LRMDA: variants seen among roughly 807,000 people sequenced by gnomAD.
LRMDA encodes the protein leucine rich melanocyte differentiation associated.
A neutral mutation model predicts 29.8 loss-of-function variants in LRMDA; 18 were observed. The observed-to-expected ratio is 0.60, with a 90% CI of 0.42 to 0.90. The LOEUF (loss-of-function observed/expected upper bound fraction) is 0.90. LRMDA is among the 40% of genes least tolerant of loss of function. The pLI is 0.00. For missense variants in LRMDA, 273 were observed against 273.9 expected, an observed-to-expected ratio of 1.00 and a Z score of 0.02; for synonymous variants, 125 against 109.4, an observed-to-expected ratio of 1.14 and a Z score of -0.89.
chr10:75,802,972 A>ATT (rs141657133), intron 2 of LRMDA, among the ~76,000 whole-genome samples: 51 of 110,044 alleles, frequency 4.6e-4, no homozygotes, highest in South Asian at 9.5e-4. Flanking sequence ...ATATATATAT[A>ATT]TTTTTTTTTT....
At chr10:76,126,053 G>A (rs1355770856) in intron 5 of LRMDA, among the ~76,000 whole-genome samples, 1 of 152,122 alleles carries the variant, frequency 6.6e-6, no homozygotes, top group Non-Finnish European at 1.5e-5. Context: ...CCTTTCATTG[G>A]GCTTTGACAT....
intron 2 of LRMDA, among the ~76,000 whole-genome samples, chr10:75,937,134 ACT>A (rs1232360637): frequency 1.3e-5 from 2 of 152,210 alleles, no homozygotes; most frequent in East Asian, 3.9e-4. Context: ...ATGACAAGAT[ACT>A]CTCTGTGGGA....
chr10:76,142,563 C>T (rs1354309392), intron 5 of LRMDA, among the ~76,000 whole-genome samples: 2 of 151,484 alleles, frequency 1.3e-5, no homozygotes, highest in East Asian at 3.9e-4. Flanking sequence ...CATTGTGTTA[C>T]TAAACTTCAT....
chr10:75,691,091 T>G (rs1334331843), intron 2 of LRMDA, among the ~76,000 whole-genome samples: 1 of 98,106 alleles, frequency 1.0e-5, no homozygotes, highest in African/African-American at 7.0e-5. Context: ...TATATATCTA[T>G]GTACATAGAT....
chr10:76,388,106 A>G (rs952313274), intron 6 of LRMDA, among the ~76,000 whole-genome samples: 1 of 152,180 alleles, frequency 6.6e-6, no homozygotes, highest in African/African-American at 2.4e-5. Context: ...TTAGAATGAA[A>G]TGTGCGATAC....
chr10:75,896,559 C>T (rs1257311406), intron 2 of LRMDA, among the ~76,000 whole-genome samples: 2 of 152,082 alleles, frequency 1.3e-5, no homozygotes, highest in Non-Finnish European at 2.9e-5. Context: ...TCCTATTTAA[C>T]TGTTGAGAAT....
intron 6 of LRMDA, among the ~76,000 whole-genome samples, chr10:76,450,877 A>G (rs1842398854): frequency 6.6e-6 from 1 of 152,190 alleles, no homozygotes. Flanking sequence ...AGGATAGCAA[A>G]CAGATGAGTT....
At chr10:75,977,851 T>A (rs747152871) in intron 2 of LRMDA, among the ~76,000 whole-genome samples, 1 of 152,218 alleles carries the variant, frequency 6.6e-6, no homozygotes, top group Non-Finnish European at 1.5e-5. Flanking sequence ...GCTCTGCCAC[T>A]TATTAGTCGT....
intron 2 of LRMDA, among the ~76,000 whole-genome samples, chr10:76,006,447 T>C (rs920800471): frequency 6.6e-6 from 1 of 151,976 alleles, no homozygotes; most frequent in Non-Finnish European, 1.5e-5. Flanking sequence ...ACCAGGTGGG[T>C]AAGAAACCAA....
chr10:75,815,733 C>A (rs919043136), intron 2 of LRMDA, among the ~76,000 whole-genome samples: 1 of 152,170 alleles, frequency 6.6e-6, no homozygotes, highest in African/African-American at 2.4e-5. Flanking sequence ...TTAGTTTAAG[C>A]CACTGAGATT....
intron 2 of LRMDA, among the ~76,000 whole-genome samples, chr10:75,612,139 G>A (rs1188938480): frequency 1.3e-5 from 2 of 152,176 alleles, no homozygotes; most frequent in Non-Finnish European, 2.9e-5. Context: ...ATTTCCTTTG[G>A]AAATACCCAG....
In LRMDA at chr10:76,146,059, T is replaced by G. The variant is rs1291611937; in HGVS notation, c.516+87276T>G. The stretch of plus-strand genomic sequence containing the variant: ...GATTGCACTGTGGTCTGAGAGACAG[T>G]TTGTTATAATTTCTGTTCTTTTACA... On this transcript the variant is annotated intron_variant, in intron 5 of 6. Transcript: ENST00000611255. Among the ~76,000 whole-genome samples the G allele has an allele frequency of 5.3e-5, 8 of 152,084 alleles. No individual in the cohort carries two copies. In the East Asian group the frequency reaches 1.2e-3, roughly 22 times the overall value.
intron 2 of LRMDA, among the ~76,000 whole-genome samples, chr10:75,919,684 T>C (rs1845995813): frequency 6.6e-6 from 1 of 152,178 alleles, no homozygotes; most frequent in Non-Finnish European, 1.5e-5. Context: ...TTCTGAAATC[T>C]TTAGGCATTC....
At chr10:75,690,226 T>C (rs905745933) in intron 2 of LRMDA, among the ~76,000 whole-genome samples, 1 of 152,182 alleles carries the variant, frequency 6.6e-6, no homozygotes, top group African/African-American at 2.4e-5. Flanking sequence ...ATCCTCCTTA[T>C]ATGGATGAGA....
At chr10:75,625,929 G>T (rs768558535) in intron 2 of LRMDA, among the ~76,000 whole-genome samples, 1 of 151,538 alleles carries the variant, frequency 6.6e-6, no homozygotes, top group Non-Finnish European at 1.5e-5. Flanking sequence ...ATAGCTCACT[G>T]CAGCCTTGAC....
intron 2 of LRMDA, among the ~76,000 whole-genome samples, chr10:75,514,742 C>G (rs1845270572): frequency 1.3e-5 from 2 of 152,292 alleles, no homozygotes; most frequent in South Asian, 4.1e-4. Context: ...GAAAGCAGCC[C>G]AAGACCCTCA....
At position 76,076,247 on chromosome 10, in the gene LRMDA, G is replaced by A. The variant is rs570740475; in HGVS notation, c.516+17464G>A. Among the ~76,000 whole-genome samples, 18 of 149,572 alleles carry A rather than the reference G, an allele frequency of 1.2e-4. 1 individual carries two copies. Among genetic ancestry groups the A allele is most frequent in the Admixed American group, 4.0e-4 (6 of 14,842 alleles). On this transcript the variant is annotated intron_variant, in intron 5 of 6. Transcript: ENST00000611255. ...AGTCCCAGCTACTTGGGAGGCTGAG[G>A]CAGGAGAATGGCGTGAACCCAGGAG...
At chr10:75,699,200 C>CAAA (rs140938454) in intron 2 of LRMDA, among the ~76,000 whole-genome samples, 6 of 107,492 alleles carry the variant, frequency 5.6e-5, no homozygotes, top group African/African-American at 1.6e-4. Context: ...GACTTGGTCT[C>CAAA]AAAAAAAAAA....
chr10:76,062,654 CTCTGTGTGTGTGTG>C (rs938023390), intron 5 of LRMDA, among the ~76,000 whole-genome samples: 19 of 136,344 alleles, frequency 1.4e-4, no homozygotes, highest in African/African-American at 4.1e-4. Flanking sequence ...GACTTTATCT[CTCTGTGTGTGTGTG>C]TGTGTGTGTG....
Sources: allele counts gnomAD v4.1 joint callset (sites outside exome capture counted in the v4.1 genomes callset), GRCh38; gene constraint gnomAD v4.1.1; transcripts MANE v1.5; gene names NCBI Gene and HGNC (gene_info 2026-07-23, HGNC 2026-07-21).